Variants in DLG1 observed in about 807,000 individuals in gnomAD.
The protein encoded by DLG1 is disks large homolog 1.
In DLG1, 42 loss-of-function variants were observed where a neutral mutation model predicts 123.4. That is an observed-to-expected ratio of 0.34 (90% CI 0.27 to 0.44). DLG1 has a LOEUF of 0.44. DLG1 is among the 20% of genes least tolerant of loss of function. The probability of loss-of-function intolerance (pLI) is 1.00; values close to 1 mark genes in which losing one functional copy is unlikely to be tolerated. For missense variants in DLG1, 942 were observed against 1,082.6 expected, an observed-to-expected ratio of 0.87 and a Z score of 1.82; for synonymous variants, 317 against 356.2, an observed-to-expected ratio of 0.89 and a Z score of 1.24.
At chr3:197,292,063 C>T (rs1775206211) in intron 3 of DLG1, among the ~76,000 whole-genome samples, 1 of 151,924 alleles carries the variant, frequency 6.6e-6, no homozygotes, top group Non-Finnish European at 1.5e-5. Flanking sequence ...TTATGGTGGG[C>T]CCTCAAAAAA....
chr3:197,278,920 T>C (rs1767870931), intron 4 of DLG1, among the ~76,000 whole-genome samples: 1 of 152,220 alleles, frequency 6.6e-6, no homozygotes, highest in Admixed American at 6.5e-5. Flanking sequence ...GCAATTTTGT[T>C]GGAAAAGATT....
intron 11 of DLG1, among the ~76,000 whole-genome samples, chr3:197,125,607 T>C (rs1778638459): frequency 6.6e-6 from 1 of 152,160 alleles, no homozygotes; most frequent in African/African-American, 2.4e-5. Context: ...AATGGGATGA[T>C]CAAACTGGTA....
At chr3:197,181,426 A>G (rs1482582936) in intron 5 of DLG1, among the ~76,000 whole-genome samples, 1 of 152,168 alleles carries the variant, frequency 6.6e-6, no homozygotes, top group Non-Finnish European at 1.5e-5. Context: ...GGTATATATT[A>G]TATGCTCTAA....
At position 197,066,689 on chromosome 3, in the gene DLG1, A is replaced by T. The variant is rs202151548; in HGVS notation, c.2098+15T>A. ...TCTTCTAGAAGGTTATAAAACATCA[A>T]TAGGCTTCACAAACCTTCTTGTTGA... On this transcript the variant is annotated intron_variant, in intron 20 of 24. Coordinates refer to ENST00000667157, the MANE Select transcript of DLG1 (RefSeq NM_001366207.1). The T allele has an allele frequency of 1.5e-5, 24 of 1,579,108 alleles. No homozygotes were observed. In the African/African-American group the frequency reaches 2.7e-4, roughly 18 times the overall value.
chr3:197,158,155 C>T (rs967697657), intron 5 of DLG1, among the ~76,000 whole-genome samples: 24 of 152,136 alleles, frequency 1.6e-4, no homozygotes, highest in African/African-American at 5.6e-4. Context: ...CCAAAGAAGA[C>T]ACACACATGG....
chr3:197,078,841 T>C (rs1749035928), intron 17 of DLG1, among the ~76,000 whole-genome samples: 1 of 152,220 alleles, frequency 6.6e-6, no homozygotes, highest in African/African-American at 2.4e-5. Context: ...TTCATCCCTC[T>C]TACTGCATCT....
chr3:197,155,298 A>G (rs1416023780), intron 5 of DLG1, among the ~76,000 whole-genome samples: 2 of 152,184 alleles, frequency 1.3e-5, no homozygotes, highest in Admixed American at 1.3e-4. Context: ...AAGACGAAAA[A>G]AACCCAAACC....
chr3:197,248,346 T>C (rs1488625744), intron 4 of DLG1, among the ~76,000 whole-genome samples: 1 of 152,154 alleles, frequency 6.6e-6, no homozygotes, highest in African/African-American at 2.4e-5. Flanking sequence ...TTATTCGTCA[T>C]GCCAGGTGGG....
intron 5 of DLG1, among the ~76,000 whole-genome samples, chr3:197,165,699 G>C (rs915233068): frequency 3.9e-5 from 6 of 152,168 alleles, no homozygotes; most frequent in Non-Finnish European, 5.9e-5. Flanking sequence ...GGCCTTCTAA[G>C]AATGTTTGAA....
chr3:197,054,366 T>G (rs1263242513), intron 23 of DLG1, among the ~76,000 whole-genome samples: 1 of 152,152 alleles, frequency 6.6e-6, no homozygotes, highest in Non-Finnish European at 1.5e-5. Flanking sequence ...CTCCACAATG[T>G]GTACGTTGAC....
At chr3:197,276,748 T>C (rs1766612422) in intron 4 of DLG1, among the ~76,000 whole-genome samples, 1 of 152,154 alleles carries the variant, frequency 6.6e-6, no homozygotes, top group African/African-American at 2.4e-5. Context: ...AGTTCTACAA[T>C]CAAAATTTGA....
rs551136210 is a variant in DLG1, at chr3:197,071,915, C to T, written c.2006-2655G>A. Among the ~76,000 whole-genome samples, 6 of 152,286 alleles carry T rather than the reference C, an allele frequency of 3.9e-5. No individual in the cohort carries two copies. In the South Asian group the frequency reaches 1.2e-3, roughly 32 times the overall value. ...ACAAATGTGTATCTATACGACCCAG[C>T]AATTCCTTTCCTAGATATTTCCCCA... On this transcript the variant is annotated intron_variant, in intron 18 of 24. Transcript: ENST00000667157.
intron 4 of DLG1, among the ~76,000 whole-genome samples, chr3:197,263,541 C>T (rs138821230): frequency 0.015 from 2,268 of 152,286 alleles, 61 homozygotes; most frequent in African/African-American, 0.052. Context: ...AATCCCAGCA[C>T]TTTGGGAGGC....
intron 19 of DLG1, among the ~76,000 whole-genome samples, chr3:197,069,008 AT>A (rs1307457370): frequency 1.1e-4 from 16 of 151,832 alleles, no homozygotes; most frequent in East Asian, 7.7e-4. Flanking sequence ...CACAAATAAT[AT>A]TTTTATTTTA....
chr3:197,194,785 T>C (rs779372520), intron 4 of DLG1, among the ~76,000 whole-genome samples, 196 bp from the exon 5 acceptor site: 22 of 152,180 alleles, frequency 1.4e-4, no homozygotes, highest in South Asian at 4.1e-4. Context: ...ATTTAAACAT[T>C]AGAAATAATT....
At chr3:197,130,737 C>A in intron 10 of DLG1, 66 bp from the exon 11 acceptor site, 4 of 1,327,464 alleles carry the variant, frequency 3.0e-6, no homozygotes, top group Non-Finnish European at 3.1e-6. Flanking sequence ...GAAACAATTT[C>A]ACGAAAAGAA....
In DLG1 at chr3:197,043,329, A is replaced by ATG. The variant is rs1179780855; in HGVS notation, c.*1293_*1294insCA. 5.8e-4 allele frequency: 89 copies of ATG among 152,276 alleles called. 1 individual carries two copies. The highest frequency in any genetic ancestry group is 2.0e-3 in the African/African-American group (84 of 41,552). 9.4% of individuals were successfully genotyped at this position (152,276 alleles called of 1,614,324 possible). A position where few individuals can be genotyped will look rare whatever the true frequency, so the allele number is the denominator to read the frequency against. ...AAAATCAAACCTGATGACAAGAACA[A>ATG]CAGTAACAACACGGACAACAACAAA... On this transcript the variant is annotated 3_prime_UTR_variant, in exon 25 of 25. Coordinates refer to ENST00000667157, the MANE Select transcript of DLG1 (RefSeq NM_001366207.1).
At chr3:197,195,220 C>G (rs34207201) in intron 4 of DLG1, among the ~76,000 whole-genome samples, 36,589 of 150,266 alleles carry the variant, frequency 0.24, 5,602 homozygotes, top group East Asian at 0.72. Context: ...AGAAAAGACA[C>G]AAAACAAGGC....
At chr3:197,131,614 G>A (rs1450867300) in intron 10 of DLG1, among the ~76,000 whole-genome samples, 60 of 73,830 alleles carry the variant, frequency 8.1e-4, no homozygotes, top group Non-Finnish European at 1.2e-3. Context: ...TTTTTTTTGA[G>A]ACGGAGTCTC....
Sources: gnomAD v4.1 joint callset for allele counts (sites outside exome capture counted in the v4.1 genomes callset) on GRCh38, gnomAD v4.1.1 for gene constraint, MANE v1.5 for transcripts, NCBI Gene and HGNC (gene_info 2026-07-23, HGNC 2026-07-21) for gene names.